Variants in SP1 observed in about 807,000 individuals in gnomAD.
SP1 encodes transcription factor Sp1.
In SP1, 6 loss-of-function variants were observed where a neutral mutation model predicts 66.3. The observed-to-expected ratio is 0.09, with a 90% CI of 0.05 to 0.18. The LOEUF (loss-of-function observed/expected upper bound fraction) is 0.18, where lower values mean the gene tolerates loss of function less well. Ranked by LOEUF, SP1 falls within the 10% of genes least tolerant of loss-of-function variation. The probability of loss-of-function intolerance (pLI) is 1.00; values close to 1 mark genes in which losing one functional copy is unlikely to be tolerated. For missense variants in SP1, 848 were observed against 964.5 expected (o/e 0.88, Z 1.60); for synonymous variants, 417 against 360.8 (o/e 1.16, Z -1.77).
At position 53,415,484 on chromosome 12, in the gene SP1, AT is replaced by A. The variant is rs1478102152; in HGVS notation, c.*4248del. 2.0e-5 allele frequency: 3 copies of A among 152,010 alleles called. No individual in the cohort carries two copies. The East Asian group carries it at 5.8e-4, about 29-fold the overall frequency. The allele number at this position is 152,010 out of a possible 1,614,324, so 9.4% of individuals were successfully genotyped here. A position where few individuals can be genotyped will look rare whatever the true frequency, so the allele number is the denominator to read the frequency against. ...CTCTGACTTCCCCAAACCCAGAAAG[AT>A]TTTCTCCACAGTGTTCATTTGAAAG... On this transcript the variant is annotated 3_prime_UTR_variant, in exon 6 of 6. Coordinates refer to ENST00000327443, the MANE Select transcript of SP1 (RefSeq NM_138473.3).
chr12:53,396,845 A>T (rs1938503007), intron 3 of SP1, among the ~76,000 whole-genome samples: 1 of 152,090 alleles, frequency 6.6e-6, no homozygotes, highest in Admixed American at 6.6e-5. Context: ...GGCTAACTGC[A>T]GCCTCAAACT....
chr12:53,410,398 CCTTA>C (rs1271061918), intron 5 of SP1, among the ~76,000 whole-genome samples: 8 of 152,258 alleles, frequency 5.3e-5, no homozygotes, highest in African/African-American at 1.9e-4. Context: ...CTCTGCCCTG[CCTTA>C]CTTTTAAAAC....
rs1251653823 is a variant in SP1, at chr12:53,411,854, AT to A, written c.*615del. On this transcript the variant is annotated 3_prime_UTR_variant, in exon 6 of 6. Coordinates refer to ENST00000327443, the MANE Select transcript of SP1 (RefSeq NM_138473.3). ...GCTTCCCACCAGCTTAAGCGTTCAT[AT>A]GCTCTGCTTTTAGTTCATATATACA... 1 of 152,348 alleles carries A rather than the reference AT, an allele frequency of 6.6e-6. No homozygotes were observed. Among genetic ancestry groups the A allele is most frequent in the Non-Finnish European group, 1.5e-5 (1 of 68,008 alleles). The allele number at this position is 152,348 out of a possible 1,614,324, so 9.4% of individuals were successfully genotyped here. A position where few individuals can be genotyped will look rare whatever the true frequency, so the allele number is the denominator to read the frequency against.
chr12:53,382,842 G>T lies in SP1; in HGVS notation c.895G>T (p.Val299Phe). The T allele has an allele frequency of 6.2e-7, 1 of 1,614,164 alleles. No homozygotes were observed. The highest frequency in any genetic ancestry group is 8.5e-7 in the Non-Finnish European group (1 of 1,180,028). Reference sequence around the variant, plus strand: ...GTCCCAGGAGAGTGGCTCACAGCCTGTCACCTCAGGGACTACCATCAGTTC... The same window carrying T: ...GTCCCAGGAGAGTGGCTCACAGCCTTTCACCTCAGGGACTACCATCAGTTC... ...SGSQESGSQP[V>F]TSGTTISSAS... is the part of the protein sequence containing the mutation. Residue 299 changes from valine to phenylalanine, a missense_variant, in exon 3 of 6, where the codon GTC (valine) becomes TTC (phenylalanine). Val to Phe is a conservative substitution (Grantham distance 50). This residue lies in a region of SP1 where 606 missense variants were observed against 589.9 expected (regional missense o/e 1.03). Coordinates refer to ENST00000327443, the MANE Select transcript of SP1 (RefSeq NM_138473.3).
intron 5 of SP1, among the ~76,000 whole-genome samples, chr12:53,409,833 C>T (rs975051443): frequency 1.3e-5 from 2 of 151,546 alleles, no homozygotes; most frequent in South Asian, 2.1e-4. Flanking sequence ...CATGGTGAAA[C>T]CCCGTCTCTA....
chr12:53,413,569 C>G lies in SP1; in HGVS notation c.*2329C>G, dbSNP rs1464716111. 1.3e-5 allele frequency: 2 copies of G among 152,630 alleles called. No homozygotes were observed. Among genetic ancestry groups the G allele is most frequent in the Non-Finnish European group, 2.9e-5 (2 of 68,042 alleles). 9.5% of individuals were successfully genotyped at this position (152,630 alleles called of 1,614,324 possible). A position where few individuals can be genotyped will look rare whatever the true frequency, so the allele number is the denominator to read the frequency against. On this transcript the variant is annotated 3_prime_UTR_variant, in exon 6 of 6. Transcript: ENST00000327443. Reference sequence around the variant, plus strand: ...CTATGGCAAGGAACTTTCCCCAGATCAAATTCTATTAACGCTGAGATACAA... The same window carrying G: ...CTATGGCAAGGAACTTTCCCCAGATGAAATTCTATTAACGCTGAGATACAA...
intron 3 of SP1, among the ~76,000 whole-genome samples, chr12:53,402,514 G>T (rs1387112599): frequency 2.0e-5 from 3 of 151,702 alleles, no homozygotes; most frequent in Admixed American, 1.3e-4. Context: ...GAGCCGTTGC[G>T]CCCGGCCTGG....
rs1305274328 is a variant in SP1 at position 53,408,236 on chromosome 12, ACT to A, written c.1845-1123_1845-1122del. ...ACTCTAGCCTGGGCGACAGAGTGAG[ACT>A]CTGTCTCAAAAAAAAAAAAAAGAGC... is the stretch of plus-strand genomic sequence containing the variant. On this transcript the variant is annotated intron_variant, in intron 4 of 5. Transcript: ENST00000327443. Among the ~76,000 whole-genome samples, 3 of 121,002 alleles carry A rather than the reference ACT, an allele frequency of 2.5e-5. No individual in the cohort carries two copies. The South Asian group carries it at 9.2e-4, about 37-fold the overall frequency. 79.4% of individuals were successfully genotyped at this position (121,002 alleles called of 152,430 possible). A position where few individuals can be genotyped will look rare whatever the true frequency, so the allele number is the denominator to read the frequency against.
chr12:53,409,644 TCTGAGCAA>T (rs1340546568), intron 5 of SP1, 83 bp downstream of exon 5: 1 of 1,135,950 alleles, frequency 8.8e-7, no homozygotes, highest in African/African-American at 1.5e-5. Flanking sequence ...AACTAAAATT[TCTGAGCAA>T]CTTAATTTGA....
chr12:53,403,739 GA>G (rs951650835), intron 3 of SP1, among the ~76,000 whole-genome samples: 4 of 152,072 alleles, frequency 2.6e-5, no homozygotes, highest in Non-Finnish European at 5.9e-5. Context: ...TAAATGCTTT[GA>G]AAATTTGAGA....
chr12:53,393,705 C>A (rs142903880), intron 3 of SP1, among the ~76,000 whole-genome samples: 4,619 of 151,060 alleles, frequency 0.031, 117 homozygotes, highest in Non-Finnish European at 0.046. Flanking sequence ...TCAAGCAATT[C>A]TCTTGCCTCA....
Position 53,410,950 on chromosome 12 carries a change from G to C in SP1, c.2068G>C (p.Glu690Gln). ...AGGTGAGAAGAAATTTGCCTGCCCTGAGTGTCCTAAGCGCTTCATGAGGAG... is the reference window on the plus strand; with the variant it reads ...AGGTGAGAAGAAATTTGCCTGCCCTCAGTGTCCTAAGCGCTTCATGAGGAG... The part of the protein sequence containing the change: ...HTGEKKFACP[E>Q]CPKRFMRSDH... Residue 690 changes from glutamate (E) to glutamine (Q), a missense_variant, in exon 6 of 6, where the codon GAG (glutamate) becomes CAG (glutamine). Physicochemically the swap from Glu to Gln is conservative, Grantham distance 29. Coordinates refer to ENST00000327443, the MANE Select transcript of SP1 (RefSeq NM_138473.3). 6.2e-7 allele frequency: 1 copy of C among 1,613,474 alleles called. No homozygotes were observed. The highest frequency in any genetic ancestry group is 8.5e-7 in the Non-Finnish European group (1 of 1,179,578).
At chr12:53,408,267 G>C (rs1209264809) in intron 4 of SP1, among the ~76,000 whole-genome samples, 1 of 141,950 alleles carries the variant, frequency 7.0e-6, no homozygotes, top group Non-Finnish European at 1.5e-5. Context: ...AAAGAGCTTC[G>C]CTCTTGTTGC....
At chr12:53,401,345 G>A (rs537202271) in intron 3 of SP1, among the ~76,000 whole-genome samples, 31 of 151,452 alleles carry the variant, frequency 2.0e-4, no homozygotes, top group African/African-American at 7.3e-4. Flanking sequence ...CAGGTATTCA[G>A]GAGGCTGAGG....
chr12:53,410,165 C>G (rs916076442), intron 5 of SP1, among the ~76,000 whole-genome samples: 2 of 151,712 alleles, frequency 1.3e-5, no homozygotes, highest in African/African-American at 2.4e-5. Context: ...AATAGTCAAG[C>G]GTGCTGGTGC....
intron 3 of SP1, among the ~76,000 whole-genome samples, chr12:53,401,234 T>A (rs1466418082): frequency 2.0e-5 from 3 of 151,674 alleles, no homozygotes; most frequent in African/African-American, 7.3e-5. Context: ...GTGGATCACC[T>A]GAGGTCGGGA....
rs1938897346 is a variant in SP1, at chr12:53,411,903, AATTTT to A, written c.*664_*668del. ...ACATACATAATGTTTTTCCTTTCTT[AATTTT>A]GTCTTTTTGTTTGGGATCAGCTTCT... On this transcript the variant is annotated 3_prime_UTR_variant, in exon 6 of 6. Coordinates refer to ENST00000327443, the MANE Select transcript of SP1 (RefSeq NM_138473.3). The A allele has an allele frequency of 6.6e-6, 1 of 151,902 alleles. No homozygotes were observed. The highest frequency in any genetic ancestry group is 2.4e-5 in the African/African-American group (1 of 41,182). The allele number at this position is 151,902 out of a possible 1,614,324, so 9.4% of individuals were successfully genotyped here. A position where few individuals can be genotyped will look rare whatever the true frequency, so the allele number is the denominator to read the frequency against.
intron 3 of SP1, among the ~76,000 whole-genome samples, chr12:53,392,609 G>A (rs539013307): frequency 8.6e-4 from 130 of 150,382 alleles, no homozygotes; most frequent in African/African-American, 2.9e-3. Flanking sequence ...CGCCCGCCTC[G>A]GCCTCCCAAA....
intron 3 of SP1, among the ~76,000 whole-genome samples, chr12:53,404,239 G>A (rs1352317902): frequency 6.7e-6 from 1 of 149,274 alleles, no homozygotes; most frequent in Non-Finnish European, 1.5e-5. Context: ...TTACTTTTGC[G>A]AAGAATATTA....
Sources: gnomAD v4.1 joint callset for allele counts (sites outside exome capture counted in the v4.1 genomes callset) on GRCh38, gnomAD v4.1.1 for gene constraint, gnomAD v4.1.1 regional missense constraint, MANE v1.5 for transcripts, NCBI Gene and HGNC (gene_info 2026-07-23, HGNC 2026-07-21) for gene names.